LIG4: variants seen among roughly 807,000 people sequenced by gnomAD.
The protein encoded by LIG4 is DNA joinase.
LIG4 carries 13 observed loss-of-function variants against 19.0 expected under a neutral mutation model. That is an observed-to-expected ratio of 0.68 (90% confidence interval 0.44 to 1.09). The LOEUF is 1.09. Ranked by LOEUF, LIG4 falls within the 50% of genes least tolerant of loss-of-function variation. The pLI, the probability that LIG4 is intolerant of heterozygous loss-of-function variation, is 0.00. For missense variants in LIG4, 1,026 were observed against 1,089.7 expected (o/e 0.94, Z 0.82); for synonymous variants, 361 against 358.2 (o/e 1.01, Z -0.09).
upstream of LIG4, among the ~76,000 whole-genome samples, chr13:108,217,239 G>A (rs1879349068): frequency 6.6e-6 from 1 of 152,206 alleles, no homozygotes; most frequent in African/African-American, 2.4e-5. Flanking sequence ...AATTAGGCCG[G>A]GCCTGGTGGC....
At position 108,208,989 on chromosome 13, in the gene LIG4, G is replaced by A; in HGVS notation, c.2280C>T (p.Cys760=). 6.2e-7 allele frequency: 1 copy of A among 1,614,080 alleles called. No individual in the cohort carries two copies. Among genetic ancestry groups the A allele is most frequent in the Non-Finnish European group, 8.5e-7 (1 of 1,179,992 alleles). The change falls in exon 3 of 3, where the codon TGC becomes TGT. Residue 760 remains cysteine (C), a synonymous_variant. Coordinates refer to ENST00000442234, the MANE Select transcript of LIG4 (RefSeq NM_206937.2). ...TATCAATGAAATAACTATCACCATA[G>A]CAATCATATTCACGGGCAAAATGTT... is the stretch of plus-strand genomic sequence containing the variant. The part of the protein sequence containing the change: ...TKEHFAREYD[C]YGDSYFIDTD...
Position 108,210,799 on chromosome 13 carries a change from C to A in LIG4, c.470G>T (p.Ser157Ile), listed in dbSNP as rs750250752. 1 of 1,613,842 alleles carries A rather than the reference C, an allele frequency of 6.2e-7. No homozygotes were observed. The highest frequency in any genetic ancestry group is 1.7e-5 in the Admixed American group (1 of 60,014). The change falls in exon 3 of 3, where the codon AGC (serine) becomes ATC (isoleucine). Residue 157 changes from serine to isoleucine, a missense_variant. Transcript: ENST00000442234. ...GTCTTTTCTTTTAGCAGAATTATTG[C>A]TGGCAATTGAGTCTAAAAGGTCGTT... ...QVNDLLDSIA[S>I]NNSAKRKDLI...
chr13:108,210,556 A>G lies in LIG4; in HGVS notation c.713T>C (p.Ile238Thr), dbSNP rs201289944. Reference sequence around the variant, plus strand: ...AAATGCAGAAAATAAAGTGATAGAAATATCACTGAGTCCTACAGAAGGATC... The same window carrying G: ...AAATGCAGAAAATAAAGTGATAGAAGTATCACTGAGTCCTACAGAAGGATC... ...LHDPSVGLSD[I>T]SITLFSAFKP... Residue 238 changes from isoleucine to threonine, a missense_variant, in exon 3 of 3, where the codon ATT becomes ACT. Physicochemically the swap from Ile to Thr is moderately conservative, Grantham distance 89 (BLOSUM62 -1). This residue lies in a region of LIG4 where 493 missense variants were observed against 544.5 expected (regional missense o/e 0.91). Coordinates refer to ENST00000442234, the MANE Select transcript of LIG4 (RefSeq NM_206937.2). 60 of 1,612,168 alleles carry G rather than the reference A, an allele frequency of 3.7e-5. No homozygotes were observed. The East Asian group carries it at 1.2e-3, about 33-fold the overall frequency.
rs75019594 is a variant in LIG4 at position 108,212,317 on chromosome 13, T to A, written c.-28-1021A>T. On this transcript the variant is annotated intron_variant, in intron 2 of 2. Transcript: ENST00000442234. ...GAGGGGAGAGCTTTTCCCTAAAGTATCTGCTAAAGTCAGAGAAGAAATAAT... is the reference window on the plus strand; with the variant it reads ...GAGGGGAGAGCTTTTCCCTAAAGTAACTGCTAAAGTCAGAGAAGAAATAAT... Among the ~76,000 whole-genome samples the A allele has an allele frequency of 5.9e-5, 9 of 152,200 alleles. No homozygotes were observed. In the East Asian group the frequency reaches 1.7e-3, roughly 29 times the overall value.
Position 108,208,806 on chromosome 13 carries a change from G to A in LIG4, c.2463C>T (p.Asp821=). 6.2e-7 allele frequency: 1 copy of A among 1,614,092 alleles called. No individual in the cohort carries two copies. Among genetic ancestry groups the A allele is most frequent in the Non-Finnish European group, 8.5e-7 (1 of 1,180,018 alleles). Residue 821 remains aspartate, a synonymous_variant, in exon 3 of 3, where the codon GAC becomes GAT. Transcript: ENST00000442234. Reference sequence around the variant, plus strand: ...TCAGGTCATTAATAACAGCATACGAGTCCAAATAAACGGTGTGGCGTCGAA... The same window carrying A: ...TCAGGTCATTAATAACAGCATACGAATCCAAATAAACGGTGTGGCGTCGAA... ...SMFRRHTVYL[D]SYAVINDLST...
upstream of LIG4, among the ~76,000 whole-genome samples, chr13:108,216,330 C>A (rs1477303962): frequency 6.6e-6 from 1 of 152,110 alleles, no homozygotes; most frequent in African/African-American, 2.4e-5. Context: ...GGGGTGGAAA[C>A]AACTTTTAGA....
chr13:108,212,039 A>G (rs555354515), intron 2 of LIG4, among the ~76,000 whole-genome samples: 1 of 152,230 alleles, frequency 6.6e-6, no homozygotes, highest in African/African-American at 2.4e-5. Flanking sequence ...TATAAGTATA[A>G]ATTTATTAGT....
Position 108,211,412 on chromosome 13 carries a change from A to G in LIG4, c.-28-116T>C, listed in dbSNP as rs1478926881. On this transcript the variant is annotated intron_variant, in intron 2 of 2. Coordinates refer to ENST00000442234, the MANE Select transcript of LIG4 (RefSeq NM_206937.2). ...TAATAAATGTTTATTAATGTTTACTAAAAAAAAGATCAATGCTCTAAATGA... is the reference window on the plus strand; with the variant it reads ...TAATAAATGTTTATTAATGTTTACTGAAAAAAAGATCAATGCTCTAAATGA... The G allele has an allele frequency of 5.9e-6, 4 of 681,726 alleles. No individual in the cohort carries two copies. The Admixed American group carries it at 9.8e-5, about 17-fold the overall frequency. The allele number at this position is 681,726 out of a possible 1,614,324, so 42.2% of individuals were successfully genotyped here.
intron 2 of LIG4, among the ~76,000 whole-genome samples, chr13:108,211,530 T>G (rs978653167): frequency 6.6e-6 from 1 of 152,250 alleles, no homozygotes; most frequent in Non-Finnish European, 1.5e-5. Flanking sequence ...ATAGCTGTAT[T>G]TCCTGTATTT....
chr13:108,217,875 C>T (rs1239003168), upstream of LIG4, among the ~76,000 whole-genome samples: 1 of 152,114 alleles, frequency 6.6e-6, no homozygotes, highest in Admixed American at 6.5e-5. Flanking sequence ...TTTAAGGGCC[C>T]ATTTTTGCGA....
At position 108,210,235 on chromosome 13, in the gene LIG4, T is replaced by C. The variant is rs1160236181; in HGVS notation, c.1034A>G (p.Lys345Arg). The C allele has an allele frequency of 6.2e-7, 1 of 1,613,660 alleles. No homozygotes were observed. Among genetic ancestry groups the C allele is most frequent in the Non-Finnish European group, 8.5e-7 (1 of 1,179,756 alleles). ...TCTTTTAATATCAAACTTAGTTCCCTTTTGCATGAAAGTTTGTGTATTAGG... is the reference window on the plus strand; with the variant it reads ...TCTTTTAATATCAAACTTAGTTCCCCTTTGCATGAAAGTTTGTGTATTAGG... ...YNPNTQTFMQ[K>R]GTKFDIKRMV... The change falls in exon 3 of 3, where the codon AAG (lysine) becomes AGG (arginine). Residue 345 changes from lysine to arginine, a missense_variant. By Grantham distance (26) the Lys-to-Arg change is conservative. Transcript: ENST00000442234.
Position 108,208,800 on chromosome 13 carries a change from A to G in LIG4, c.2469T>C (p.Tyr823=). The change falls in exon 3 of 3, where the codon TAT becomes TAC. Residue 823 remains tyrosine, a synonymous_variant. Coordinates refer to ENST00000442234, the MANE Select transcript of LIG4 (RefSeq NM_206937.2). ...FRRHTVYLDS[Y]AVINDLSTKN... The stretch of plus-strand genomic sequence containing the variant: ...TGGTACTCAGGTCATTAATAACAGC[A>G]TACGAGTCCAAATAAACGGTGTGGC... The G allele has an allele frequency of 6.2e-7, 1 of 1,614,214 alleles. No homozygotes were observed. Among genetic ancestry groups the G allele is most frequent in the Non-Finnish European group, 8.5e-7 (1 of 1,180,032 alleles).
At chr13:108,216,435 T>G (rs1267306304), upstream of LIG4, among the ~76,000 whole-genome samples, 1 of 152,264 alleles carries the variant, frequency 6.6e-6, no homozygotes, top group Non-Finnish European at 1.5e-5. Context: ...TAAGTGCCCT[T>G]AGAGGTTGTG....
At chr13:108,211,331 A>C (rs1878649118) in intron 2 of LIG4, 35 bp from the exon 3 acceptor site, 1 of 1,173,452 alleles carries the variant, frequency 8.5e-7, no homozygotes, top group African/African-American at 1.5e-5. Flanking sequence ...TTTAAGTAAA[A>C]GATAAGATTC....
rs1878540565 is a variant in LIG4 at position 108,210,571 on chromosome 13, A to G, written c.698T>C (p.Val233Ala). ...AGTGATAGAAATATCACTGAGTCCT[A>G]CAGAAGGATCATGCAGTTGCCTACA... ...KVCRQLHDPS[V>A]GLSDISITLF... The change falls in exon 3 of 3, where the codon GTA (valine) becomes GCA (alanine). Residue 233 changes from valine to alanine, a missense_variant. By Grantham distance (64) the Val-to-Ala change is moderately conservative (BLOSUM62 0). Transcript: ENST00000442234. 1 of 1,613,098 alleles carries G rather than the reference A, an allele frequency of 6.2e-7. No homozygotes were observed. Among genetic ancestry groups the G allele is most frequent in the East Asian group, 2.2e-5 (1 of 44,862 alleles).
At position 108,211,333 on chromosome 13, in the gene LIG4, A is replaced by G. The variant is rs1805384; in HGVS notation, c.-28-37T>C. 14,829 of 1,142,904 alleles carry G rather than the reference A, an allele frequency of 0.013. 419 individuals carry two copies. The highest frequency in any genetic ancestry group is 0.1 in the African/African-American group (6,706 of 65,570). 70.8% of individuals were successfully genotyped at this position (1,142,904 alleles called of 1,614,324 possible). A position where few individuals can be genotyped will look rare whatever the true frequency, so the allele number is the denominator to read the frequency against. On this transcript the variant is annotated intron_variant, in intron 2 of 2. Coordinates refer to ENST00000442234, the MANE Select transcript of LIG4 (RefSeq NM_206937.2). ...AAAAGAGAATAACTTTAAGTAAAAG[A>G]TAAGATTCAACTAAATATTTAATGT...
rs1878057536 is a variant in LIG4 at position 108,207,630 on chromosome 13, C to A, written c.*903G>T. 1 of 151,940 alleles carries A rather than the reference C, an allele frequency of 6.6e-6. No individual in the cohort carries two copies. The highest frequency in any genetic ancestry group is 2.4e-5 in the African/African-American group (1 of 41,356). 9.4% of individuals were successfully genotyped at this position (151,940 alleles called of 1,614,324 possible). On this transcript the variant is annotated 3_prime_UTR_variant, in exon 3 of 3. Coordinates refer to ENST00000442234, the MANE Select transcript of LIG4 (RefSeq NM_206937.2). The stretch of plus-strand genomic sequence containing the variant: ...GTATTCCAAAATTTGGTATATAAAT[C>A]CATACATAATATATACTATATACAT...
chr13:108,212,752 A>G (rs1878800786), intron 2 of LIG4, among the ~76,000 whole-genome samples: 1 of 151,698 alleles, frequency 6.6e-6, no homozygotes, highest in African/African-American at 2.4e-5. Flanking sequence ...ATGGCTAATT[A>G]CAATACTACA....
chr13:108,216,448 A>C (rs1374377183), upstream of LIG4, among the ~76,000 whole-genome samples: 2 of 152,214 alleles, frequency 1.3e-5, no homozygotes, highest in Non-Finnish European at 2.9e-5. Context: ...AGGTTGTGTA[A>C]TGTATAAAAA....
Sources: allele counts gnomAD v4.1 joint callset (sites outside exome capture counted in the v4.1 genomes callset), GRCh38; gene constraint gnomAD v4.1.1; regional missense constraint gnomAD v4.1.1; transcripts MANE v1.5; gene names NCBI Gene and HGNC (gene_info 2026-07-23, HGNC 2026-07-21).